RYK: variants seen among roughly 807,000 people sequenced by gnomAD.
RYK encodes receptor like tyrosine kinase, also known as inactive tyrosine-protein kinase RYK.
Under a neutral mutation model 70.2 loss-of-function variants are expected in RYK, and 21 were observed. The observed-to-expected ratio is 0.30, with a 90% CI of 0.21 to 0.43. The LOEUF (loss-of-function observed/expected upper bound fraction) is 0.43. Ranked by LOEUF, RYK falls within the 20% of genes least tolerant of loss-of-function variation. The probability of loss-of-function intolerance (pLI) is 1.00; values close to 1 mark genes in which losing one functional copy is unlikely to be tolerated. For synonymous variants in RYK, 267 were observed against 278.0 expected, an observed-to-expected ratio of 0.96 and a Z score of 0.39; for missense variants, 604 against 753.3, an observed-to-expected ratio of 0.80 and a Z score of 2.32.
rs562169484 is a variant in RYK at position 134,191,992 on chromosome 3, C to G, written c.890-18G>C. ...AGGATAACCTAAGGAGCCAACAAAG[C>G]CAAACCAAGCAATATAAATACCCTT... On this transcript the variant is annotated intron_variant, in intron 7 of 14. Transcript: ENST00000623711. 6.2e-7 allele frequency: 1 copy of G among 1,611,532 alleles called. No individual in the cohort carries two copies. The highest frequency in any genetic ancestry group is 1.1e-5 in the South Asian group (1 of 90,588).
At position 134,157,394 on chromosome 3, in the gene RYK, T is replaced by C. The variant is rs1415492725; in HGVS notation, c.*759A>G. 6.6e-6 allele frequency: 1 copy of C among 152,254 alleles called. No homozygotes were observed. Among genetic ancestry groups the C allele is most frequent in the Non-Finnish European group, 1.5e-5 (1 of 68,052 alleles). 9.4% of individuals were successfully genotyped at this position (152,254 alleles called of 1,614,324 possible). On this transcript the variant is annotated 3_prime_UTR_variant, in exon 15 of 15. Transcript: ENST00000623711. ...TAAAAATAAATAAAATCACCATTGT[T>C]TACTACAGATCTGCCCCAAACCACA...
chr3:134,188,150 A>T (rs927708493), intron 9 of RYK, among the ~76,000 whole-genome samples: 57 of 136,668 alleles, frequency 4.2e-4, no homozygotes, highest in African/African-American at 1.0e-3. Context: ...ACAATCTAAC[A>T]ATATATATAT....
At chr3:134,197,744 T>C (rs921881954) in intron 6 of RYK, among the ~76,000 whole-genome samples, 14 of 152,190 alleles carry the variant, frequency 9.2e-5, no homozygotes, top group African/African-American at 3.1e-4. Context: ...CACAGGATTT[T>C]TGTGAGGCTC....
rs372650675 is a variant in RYK at position 134,195,131 on chromosome 3, C to T, written c.840G>A (p.Thr280=). The T allele has an allele frequency of 1.2e-5, 20 of 1,613,474 alleles. No homozygotes were observed. Among genetic ancestry groups the T allele is most frequent in the East Asian group, 8.9e-5 (4 of 44,858 alleles). ...GCGTGTCTGCTCTCAGATACTGAGTCGTCTGGGTGGATGGCTGAGACAGCC... is the reference window on the plus strand; with the variant it reads ...GCGTGTCTGCTCTCAGATACTGAGTTGTCTGGGTGGATGGCTGAGACAGCC... ...SQGLSQPSTQ[T]TQYLRADTPN... The change falls in exon 7 of 15, where the codon ACG becomes ACA. Residue 280 remains threonine, a synonymous_variant. Transcript: ENST00000623711.
intron 3 of RYK, among the ~76,000 whole-genome samples, chr3:134,210,752 C>A (rs2014366452): frequency 6.6e-6 from 1 of 152,164 alleles, no homozygotes; most frequent in Non-Finnish European, 1.5e-5. Flanking sequence ...GCCTATCCTG[C>A]ACCATACTCT....
chr3:134,194,809 G>A (rs2013762548), intron 7 of RYK, among the ~76,000 whole-genome samples: 1 of 152,120 alleles, frequency 6.6e-6, no homozygotes, highest in East Asian at 1.9e-4. Context: ...TTCTATAGAA[G>A]TGACTTAGTA....
chr3:134,175,589 C>A lies in RYK; in HGVS notation c.1575+20G>T. ...AGCTGTTTCTCTATTCTTTTGCTAT[C>A]TGGGGGTCCCGGCACTTACCACATC... On this transcript the variant is annotated intron_variant, in intron 13 of 14. Transcript: ENST00000623711. 1.2e-6 allele frequency: 2 copies of A among 1,607,594 alleles called. No homozygotes were observed. Among genetic ancestry groups the A allele is most frequent in the Non-Finnish European group, 8.5e-7 (1 of 1,177,324 alleles).
intron 1 of RYK, among the ~76,000 whole-genome samples, chr3:134,239,474 A>C (rs537547240): frequency 6.6e-6 from 1 of 152,282 alleles, no homozygotes; most frequent in African/African-American, 2.4e-5. Context: ...AAAGGGGGAA[A>C]AAAAAGAAAA....
At chr3:134,199,815 T>C (rs1275348786) in intron 6 of RYK, among the ~76,000 whole-genome samples, 1 of 152,028 alleles carries the variant, frequency 6.6e-6, no homozygotes, top group Non-Finnish European at 1.5e-5. Flanking sequence ...GGTGGGGACT[T>C]GGACAACTTT....
At chr3:134,224,739 C>T (rs2014850618) in intron 1 of RYK, among the ~76,000 whole-genome samples, 1 of 152,226 alleles carries the variant, frequency 6.6e-6, no homozygotes, top group South Asian at 2.1e-4. Context: ...AAGGAGCCCT[C>T]TAGTGGCCCT....
In RYK at chr3:134,181,253, A is replaced by G. The variant is rs529999530; in HGVS notation, c.1172+1749T>C. On this transcript the variant is annotated intron_variant, in intron 10 of 14. Transcript: ENST00000623711. Reference sequence around the variant, plus strand: ...CCTAGAGTCAGTGTAATAGACCATTAAGCACTTTCAACACTGCCAAAAAGG... The same window carrying G: ...CCTAGAGTCAGTGTAATAGACCATTGAGCACTTTCAACACTGCCAAAAAGG... The G allele has an allele frequency of 2.0e-5, 3 of 152,288 alleles. No homozygotes were observed. The East Asian group carries it at 5.8e-4, about 29-fold the overall frequency. 9.4% of individuals were successfully genotyped at this position (152,288 alleles called of 1,614,324 possible).
chr3:134,202,273 T>G (rs879656732), intron 6 of RYK, among the ~76,000 whole-genome samples: 3 of 152,232 alleles, frequency 2.0e-5, no homozygotes, highest in Non-Finnish European at 4.4e-5. Flanking sequence ...AATACCAGTA[T>G]GTTTTCAAAG....
At position 134,177,943 on chromosome 3, in the gene RYK, G is replaced by C; in HGVS notation, c.1303C>G (p.Gln435Glu). ...QCKLVEANNPQAISQQDLVHM... is the reference protein window; with the variant it reads ...QCKLVEANNPEAISQQDLVHM... ...GTATTTGGGCAAATTTTTCTCACCT[G>C]TGGATTATTGGCCTCTACTAACTTG... is the stretch of plus-strand genomic sequence containing the variant. Residue 435 changes from glutamine to glutamate, a missense_variant and splice_region_variant, in exon 11 of 15, where the codon CAG becomes GAG. By Grantham distance (29) the Gln-to-Glu change is conservative (BLOSUM62 2). This residue lies in a region of RYK where 138 missense variants were observed against 217.4 expected (regional missense o/e 0.63). Transcript: ENST00000623711. 1 of 1,606,806 alleles carries C rather than the reference G, an allele frequency of 6.2e-7. No individual in the cohort carries two copies. Among genetic ancestry groups the C allele is most frequent in the Non-Finnish European group, 8.5e-7 (1 of 1,178,090 alleles).
chr3:134,241,106 A>G (rs9871784), intron 1 of RYK, among the ~76,000 whole-genome samples: 91,990 of 137,158 alleles, frequency 0.67, 29,196 homozygotes, highest in East Asian at 0.99. Flanking sequence ...TTGGTGGGGG[A>G]GGGAAATCAC....
At chr3:134,235,204 C>T (rs1423566421) in intron 1 of RYK, among the ~76,000 whole-genome samples, 1 of 151,996 alleles carries the variant, frequency 6.6e-6, no homozygotes, top group Non-Finnish European at 1.5e-5. Context: ...ATATTCTTAA[C>T]CATCACAAAT....
intron 10 of RYK, among the ~76,000 whole-genome samples, chr3:134,182,745 T>C (rs1216716723): frequency 6.6e-6 from 1 of 152,248 alleles, no homozygotes; most frequent in African/African-American, 2.4e-5. Context: ...GTATAAATTA[T>C]TTCTGGAAAG....
At chr3:134,197,232 G>A (rs2013846014) in intron 6 of RYK, among the ~76,000 whole-genome samples, 1 of 152,268 alleles carries the variant, frequency 6.6e-6, no homozygotes, top group East Asian at 1.9e-4. Context: ...CGTTATTACA[G>A]AATTGATCTA....
chr3:134,207,610 G>GA, intron 4 of RYK, 85 bp from the exon 5 acceptor site: 1 of 862,670 alleles, frequency 1.2e-6, no homozygotes, highest in Non-Finnish European at 1.8e-6. Context: ...GAACATTGCT[G>GA]GAACTCAGCA....
chr3:134,241,085 C>T lies in RYK; in HGVS notation c.232+9338G>A, dbSNP rs539514975. ...CCTGTAATCCCAGCACTTTGGGAAG[C>T]CCAGACAGGGTTGGTGGGGGAGGGA... On this transcript the variant is annotated intron_variant, in intron 1 of 14. Coordinates refer to ENST00000623711, the MANE Select transcript of RYK (RefSeq NM_002958.4). Among the ~76,000 whole-genome samples the T allele has an allele frequency of 1.1e-4, 16 of 149,700 alleles. 1 individual carries two copies. Among genetic ancestry groups the T allele is most frequent in the Admixed American group, 4.7e-4 (7 of 15,018 alleles).
Sources: gnomAD v4.1 joint callset for allele counts (sites outside exome capture counted in the v4.1 genomes callset) on GRCh38, gnomAD v4.1.1 for gene constraint, gnomAD v4.1.1 regional missense constraint, MANE v1.5 for transcripts, NCBI Gene and HGNC (gene_info 2026-07-23, HGNC 2026-07-21) for gene names.